The following BACH2 variants were observed in gnomAD, a reference collection of about 807,000 sequenced individuals.
BACH2 encodes transcription regulator protein BACH2.
A neutral mutation model predicts 61.8 loss-of-function variants in BACH2; 5 were observed. The ratio of observed to expected loss-of-function variants is 0.08; its 90% CI spans 0.04 to 0.17. BACH2 has a LOEUF of 0.17. BACH2 is among the 10% of genes least tolerant of loss of function. BACH2 has a pLI of 1.00. For missense variants in BACH2, 824 were observed against 1,091.1 expected (o/e 0.76, Z 3.45); for synonymous variants, 446 against 440.1 (o/e 1.01, Z -0.17).
chr6:90,130,686 C>T (rs1784048300), intron 4 of BACH2, among the ~76,000 whole-genome samples: 1 of 152,190 alleles, frequency 6.6e-6, no homozygotes, highest in Admixed American at 6.5e-5. Context: ...ACAGCTGGTA[C>T]AGGCCAGCAC....
intron 3 of BACH2, among the ~76,000 whole-genome samples, chr6:90,226,185 T>C (rs997923492): frequency 1.2e-4 from 19 of 152,048 alleles, no homozygotes; most frequent in Admixed American, 6.5e-4. Context: ...ACAGCATGAA[T>C]AGCTTTATGA....
rs545893934 is a variant in BACH2, at chr6:90,063,841, T to G, written c.-13+25120A>C. On this transcript the variant is annotated intron_variant, in intron 5 of 8. Coordinates refer to ENST00000257749, the MANE Select transcript of BACH2 (RefSeq NM_021813.4). ...GATTTAATATTCTGTATGTCACAGA[T>G]TCCAGTCTGTACATTTTTTCATCTA... Among the ~76,000 whole-genome samples, 377 of 152,310 alleles carry G rather than the reference T, an allele frequency of 2.5e-3. 2 individuals carry two copies. The highest frequency in any genetic ancestry group is 4.4e-3 in the Non-Finnish European group (296 of 68,038).
At chr6:90,130,237 T>C (rs143915595) in intron 4 of BACH2, among the ~76,000 whole-genome samples, 116 of 152,228 alleles carry the variant, frequency 7.6e-4, no homozygotes, top group African/African-American at 2.6e-3. Context: ...TGAGATGCAG[T>C]GAGAAGTCGT....
intron 6 of BACH2, among the ~76,000 whole-genome samples, chr6:90,001,700 A>G: frequency 6.6e-6 from 1 of 152,104 alleles, no homozygotes; most frequent in East Asian, 1.9e-4. Context: ...GCTTATACCT[A>G]CTTTTGACTG....
chr6:90,191,628 G>A (rs1220350833), intron 4 of BACH2, among the ~76,000 whole-genome samples: 2 of 152,288 alleles, frequency 1.3e-5, no homozygotes, highest in East Asian at 3.9e-4. Context: ...CTAGACACGT[G>A]ATTATTGGGC....
chr6:89,940,680 T>C (rs1773369644), intron 7 of BACH2, among the ~76,000 whole-genome samples: 1 of 152,232 alleles, frequency 6.6e-6, no homozygotes, highest in South Asian at 2.1e-4. Context: ...CCCAGCCCTG[T>C]CTAATACAAA....
chr6:90,029,071 G>A (rs927002134), intron 5 of BACH2, among the ~76,000 whole-genome samples: 44 of 152,066 alleles, frequency 2.9e-4, no homozygotes, highest in African/African-American at 1.0e-3. Context: ...TTTTCTTCAC[G>A]TAAGTATTTC....
rs1330710794 is a variant in BACH2 at position 90,105,949 on chromosome 6, G to C, written c.-161-16840C>G. On this transcript the variant is annotated intron_variant, in intron 4 of 8. Coordinates refer to ENST00000257749, the MANE Select transcript of BACH2 (RefSeq NM_021813.4). ...TTTTCTTAGAGTTAGTGAGCCTCTT[G>C]CATCAACTTTGTTTCCTGTTCTCTC... 2.0e-5 allele frequency among the ~76,000 whole-genome samples: 3 copies of C among 152,162 alleles called. No individual in the cohort carries two copies. The South Asian group carries it at 6.2e-4, about 32-fold the overall frequency.
At chr6:90,209,220 A>G (rs1196283640) in intron 3 of BACH2, among the ~76,000 whole-genome samples, 2 of 151,962 alleles carry the variant, frequency 1.3e-5, no homozygotes, top group African/African-American at 2.4e-5. Flanking sequence ...AAAATACCAC[A>G]TTCAGTCATA....
At chr6:90,195,573 G>A (rs2127846006) in intron 4 of BACH2, among the ~76,000 whole-genome samples, 1 of 152,348 alleles carries the variant, frequency 6.6e-6, no homozygotes, top group South Asian at 2.1e-4. Context: ...CGGATTCTAA[G>A]GTTGTGAAGT....
intron 6 of BACH2, among the ~76,000 whole-genome samples, chr6:90,003,380 G>C (rs1257632413): frequency 6.6e-6 from 1 of 152,128 alleles, no homozygotes; most frequent in East Asian, 1.9e-4. Flanking sequence ...CTCTTCAAAA[G>C]TCACCCCCTT....
intron 7 of BACH2, 126 bp from the exon 8 acceptor site, chr6:89,938,476 C>A: frequency 2.7e-6 from 2 of 729,152 alleles, no homozygotes; most frequent in South Asian, 1.9e-5. Context: ...TGAAAGCAAG[C>A]AGTGATTACT....
chr6:89,932,952 C>A, intron 8 of BACH2, 62 bp from the exon 9 acceptor site: 1 of 1,495,184 alleles, frequency 6.7e-7, no homozygotes, highest in South Asian at 1.4e-5. Flanking sequence ...CAGAAGGCCT[C>A]GTTTCAGGTT....
intron 5 of BACH2, among the ~76,000 whole-genome samples, chr6:90,013,648 A>T (rs973118746): frequency 6.6e-6 from 1 of 151,746 alleles, no homozygotes; most frequent in African/African-American, 2.4e-5. Flanking sequence ...CTGGGACTAC[A>T]GGTGCCCGCC....
intron 5 of BACH2, among the ~76,000 whole-genome samples, chr6:90,028,219 A>G (rs1369394349): frequency 6.6e-6 from 1 of 152,228 alleles, no homozygotes; most frequent in Non-Finnish European, 1.5e-5. Context: ...TATCCTCACC[A>G]CTATTTGACT....
intron 6 of BACH2, among the ~76,000 whole-genome samples, chr6:90,000,234 C>T (rs573431189): frequency 4.8e-4 from 73 of 152,318 alleles, no homozygotes; most frequent in Non-Finnish European, 9.4e-4. Context: ...GCAACTCCAT[C>T]CGAGACTGAG....
At chr6:89,992,513 GC>G (rs1776633707) in intron 6 of BACH2, among the ~76,000 whole-genome samples, 1 of 152,182 alleles carries the variant, frequency 6.6e-6, no homozygotes, top group African/African-American at 2.4e-5. Context: ...GGTGGCACAT[GC>G]CTGTAATCCC....
intron 6 of BACH2, among the ~76,000 whole-genome samples, chr6:89,980,557 T>C (rs540276212): frequency 4.6e-5 from 7 of 152,322 alleles, no homozygotes; most frequent in Admixed American, 3.3e-4. Flanking sequence ...AGGGCTAATG[T>C]TATGACCTGG....
intron 5 of BACH2, among the ~76,000 whole-genome samples, chr6:90,024,146 T>C (rs969921044): frequency 1.3e-5 from 2 of 151,978 alleles, no homozygotes; most frequent in Admixed American, 6.6e-5. Context: ...ATCTACTATA[T>C]ATATATATAT....
Sources: allele counts gnomAD v4.1 joint callset (sites outside exome capture counted in the v4.1 genomes callset), GRCh38; gene constraint gnomAD v4.1.1; transcripts MANE v1.5; gene names NCBI Gene and HGNC (gene_info 2026-07-23, HGNC 2026-07-21).